Variants in CADPS observed in about 807,000 individuals in gnomAD.
CADPS encodes the protein calcium dependent secretion activator.
In CADPS, 57 loss-of-function variants were observed where a neutral mutation model predicts 167.3. That is an observed-to-expected ratio of 0.34 (90% confidence interval 0.28 to 0.42). The LOEUF (loss-of-function observed/expected upper bound fraction) is 0.42, where lower values mean the gene tolerates loss of function less well. Among genes scored for constraint, CADPS ranks in the 20% least tolerant of loss-of-function variants. CADPS has a pLI of 1.00. For synonymous variants in CADPS, 676 were observed against 635.3 expected (o/e 1.06, Z -0.96); for missense variants, 1,414 against 1,738.1 (o/e 0.81, Z 3.32).
At chr3:62,579,473 G>T (rs2082961625) in intron 8 of CADPS, among the ~76,000 whole-genome samples, 1 of 152,140 alleles carries the variant, frequency 6.6e-6, no homozygotes, top group African/African-American at 2.4e-5. Context: ...AATAAATAAA[G>T]AAGTATATGA....
intron 28 of CADPS, chr3:62,404,927 G>C (rs1041433917): frequency 2.6e-5 from 4 of 151,996 alleles, no homozygotes; most frequent in South Asian, 2.1e-4. Flanking sequence ...ATGGTTGTTG[G>C]GGGGTGTTTT....
intron 17 of CADPS, 32 bp downstream of exon 17, chr3:62,512,719 G>C: frequency 6.4e-7 from 1 of 1,568,822 alleles, no homozygotes; most frequent in East Asian, 2.3e-5. Flanking sequence ...CAACAGTCCT[G>C]ATAATTTATA....
chr3:62,720,111 C>A (rs561983740), intron 3 of CADPS, among the ~76,000 whole-genome samples: 37 of 152,228 alleles, frequency 2.4e-4, no homozygotes, highest in African/African-American at 8.4e-4. Context: ...TGAACTGTAA[C>A]CACAGTACAA....
chr3:62,722,915 AC>A (rs1445356544), intron 3 of CADPS, among the ~76,000 whole-genome samples: 2 of 151,382 alleles, frequency 1.3e-5, no homozygotes, highest in African/African-American at 4.9e-5. Flanking sequence ...CAGTAGAAAA[AC>A]CCCCTTACCC....
At chr3:62,846,729 T>C (rs1013764679) in intron 1 of CADPS, among the ~76,000 whole-genome samples, 9 of 152,176 alleles carry the variant, frequency 5.9e-5, no homozygotes, top group African/African-American at 1.7e-4. Flanking sequence ...AGTGGCACGA[T>C]CTTGGTTCAT....
intron 6 of CADPS, among the ~76,000 whole-genome samples, chr3:62,622,716 G>T (rs923053100): frequency 6.6e-6 from 1 of 151,952 alleles, no homozygotes; most frequent in East Asian, 1.9e-4. Flanking sequence ...AGATATAAAA[G>T]GTTGCTGAAA....
intron 1 of CADPS, among the ~76,000 whole-genome samples, chr3:62,853,941 C>G (rs973380796): frequency 1.3e-5 from 2 of 151,938 alleles, no homozygotes; most frequent in Admixed American, 6.6e-5. Flanking sequence ...GGGCGACAGA[C>G]AGTAAGCCTG....
At chr3:62,555,881 A>C (rs572113562) in intron 10 of CADPS, among the ~76,000 whole-genome samples, 7 of 151,958 alleles carry the variant, frequency 4.6e-5, no homozygotes, top group Non-Finnish European at 8.8e-5. Flanking sequence ...GCCTCCCTGT[A>C]GCACACACCT....
chr3:62,667,637 A>C (rs1478134012), intron 3 of CADPS, among the ~76,000 whole-genome samples: 43 of 152,120 alleles, frequency 2.8e-4, no homozygotes, highest in Non-Finnish European at 5.9e-5. Flanking sequence ...GACACACAAC[A>C]CACATGAGCA....
intron 29 of CADPS, among the ~76,000 whole-genome samples, chr3:62,400,264 A>C (rs919648861): frequency 1.3e-5 from 2 of 152,202 alleles, no homozygotes; most frequent in African/African-American, 4.8e-5. Context: ...TTTTTCAAGA[A>C]CAATGGCTTG....
chr3:62,511,065 C>T (rs899551656), intron 17 of CADPS, among the ~76,000 whole-genome samples: 6 of 152,114 alleles, frequency 3.9e-5, no homozygotes, highest in Non-Finnish European at 8.8e-5. Context: ...GCCAACCCAT[C>T]CCTTTGCATA....
chr3:62,508,951 T>C (rs2067194204), intron 17 of CADPS, among the ~76,000 whole-genome samples: 1 of 151,910 alleles, frequency 6.6e-6, no homozygotes, highest in Non-Finnish European at 1.5e-5. Flanking sequence ...ATAGATGAGG[T>C]GCTAGTCCAC....
chr3:62,718,736 AG>A (rs1449032463), intron 3 of CADPS, among the ~76,000 whole-genome samples: 1 of 152,198 alleles, frequency 6.6e-6, no homozygotes, highest in African/African-American at 2.4e-5. Context: ...CCACATTCCC[AG>A]GAGGGAACAT....
intron 3 of CADPS, among the ~76,000 whole-genome samples, chr3:62,703,061 G>T (rs1363273813): frequency 1.3e-5 from 2 of 152,066 alleles, no homozygotes; most frequent in Non-Finnish European, 2.9e-5. Flanking sequence ...AATTATGTCA[G>T]AATTCTGTTC....
chr3:62,632,372 T>C (rs2065449744), intron 6 of CADPS, among the ~76,000 whole-genome samples: 1 of 152,162 alleles, frequency 6.6e-6, no homozygotes, highest in South Asian at 2.1e-4. Context: ...ATGTAGCCAA[T>C]AATAAGACCA....
intron 12 of CADPS, among the ~76,000 whole-genome samples, chr3:62,535,114 G>A (rs2074425751): frequency 6.6e-6 from 1 of 151,950 alleles, no homozygotes; most frequent in Non-Finnish European, 1.5e-5. Flanking sequence ...AAGTTCAGAG[G>A]CACATTCTTA....
chr3:62,518,291 G>C, intron 13 of CADPS, 41 bp from the exon 14 acceptor site: 1 of 1,392,706 alleles, frequency 7.2e-7, no homozygotes. Context: ...AACCTCATAT[G>C]CTGACACCAT....
chr3:62,863,820 C>T (rs1559989439), intron 1 of CADPS, among the ~76,000 whole-genome samples: 1 of 152,172 alleles, frequency 6.6e-6, no homozygotes, highest in Non-Finnish European at 1.5e-5. Flanking sequence ...ATGAGTTGCA[C>T]ATTTGTGCCT....
In CADPS at chr3:62,599,839, AT is replaced by A. The variant is rs1450060783; in HGVS notation, c.1326-7092del. Among the ~76,000 whole-genome samples, 18 of 2,418 alleles carry A rather than the reference AT, an allele frequency of 7.4e-3. 1 individual carries two copies. The South Asian group carries it at 0.17, about 23-fold the overall frequency. 1.6% of individuals were successfully genotyped at this position (2,418 alleles called of 152,430 possible). On this transcript the variant is annotated intron_variant, in intron 6 of 29. Transcript: ENST00000383710. ...ATATTATATATTATATATATAATAT[AT>A]TATATATATATAATATATATAATAT...
Sources: gnomAD v4.1 joint callset for allele counts (sites outside exome capture counted in the v4.1 genomes callset) on GRCh38, gnomAD v4.1.1 for gene constraint, MANE v1.5 for transcripts, NCBI Gene and HGNC (gene_info 2026-07-23, HGNC 2026-07-21) for gene names.